DNM2: variants seen among roughly 807,000 people sequenced by gnomAD.
The protein encoded by DNM2 is dynamin-2.
In DNM2, 15 loss-of-function variants were observed where a neutral mutation model predicts 99.0. The ratio of observed to expected loss-of-function variants is 0.15; its 90% CI spans 0.10 to 0.23. DNM2 has a LOEUF of 0.23. DNM2 is among the 10% of genes least tolerant of loss of function. DNM2 has a pLI of 1.00. For synonymous variants in DNM2, 525 were observed against 481.2 expected (o/e 1.09, Z -1.19); for missense variants, 742 against 1,189.4 (o/e 0.62, Z 5.53).
intron 15 of DNM2, among the ~76,000 whole-genome samples, chr19:10,815,134 G>T (rs2072689886): frequency 6.6e-6 from 1 of 152,180 alleles, no homozygotes; most frequent in Non-Finnish European, 1.5e-5. Context: ...GTGACCCTGT[G>T]CTGCAAGGCT....
At chr19:10,758,415 TTCCCTCCCTCCTTCCCTCCC>T (rs2070486905) in intron 1 of DNM2, among the ~76,000 whole-genome samples, 1 of 70,918 alleles carries the variant, frequency 1.4e-5, no homozygotes, top group Non-Finnish European at 3.0e-5. Context: ...CCCTCCTTCC[TTCCCTCCCTCCTTCCCTCCC>T]TCCCTCCTTC....
At chr19:10,748,386 C>A (rs961572961) in intron 1 of DNM2, among the ~76,000 whole-genome samples, 1 of 152,114 alleles carries the variant, frequency 6.6e-6, no homozygotes, top group Non-Finnish European at 1.5e-5. Flanking sequence ...GCCAGGGGAG[C>A]CCCAGGTCTG....
intron 5 of DNM2, among the ~76,000 whole-genome samples, chr19:10,778,192 G>A (rs1385209477): frequency 1.3e-5 from 2 of 151,738 alleles, no homozygotes; most frequent in Admixed American, 6.6e-5. Flanking sequence ...CAGCCACCAC[G>A]CGTGGCTAAT....
intron 12 of DNM2, 29 bp from the exon 13 acceptor site, chr19:10,805,887 C>T (rs570200702): frequency 7.4e-6 from 12 of 1,614,144 alleles, no homozygotes; most frequent in South Asian, 5.5e-5. Flanking sequence ...ATCTTGTCCA[C>T]GTGAACCCTG....
In DNM2 at chr19:10,830,119, C is replaced by T. The variant is rs757620658; in HGVS notation, c.2292-8C>T. The T allele has an allele frequency of 6.2e-7, 1 of 1,613,854 alleles. No individual in the cohort carries two copies. Among genetic ancestry groups the T allele is most frequent in the Admixed American group, 1.7e-5 (1 of 60,010 alleles). Reference sequence around the variant, plus strand: ...TATCTGTAGCTCACACCCTCTCCTTCCTCACAGCCCCACTCCACAGCGCCG... The same window carrying T: ...TATCTGTAGCTCACACCCTCTCCTTTCTCACAGCCCCACTCCACAGCGCCG... On this transcript the variant is annotated splice_polypyrimidine_tract_variant and splice_region_variant and intron_variant, in intron 19 of 20. Coordinates refer to ENST00000389253, the MANE Select transcript of DNM2 (RefSeq NM_001005361.3). The surrounding 1 kb of genome is among the most constrained non-coding windows in gnomAD (Gnocchi z 4.8).
At chr19:10,826,340 G>T (rs893290593) in intron 18 of DNM2, among the ~76,000 whole-genome samples, 1 of 151,962 alleles carries the variant, frequency 6.6e-6, no homozygotes, top group East Asian at 1.9e-4. Context: ...TCAAACCCAC[G>T]TTTACCCTGG....
intron 14 of DNM2, chr19:10,810,866 C>A: frequency 6.5e-6 from 1 of 153,010 alleles, no homozygotes; most frequent in Non-Finnish European, 1.5e-5. Context: ...TGGAGGCATT[C>A]CCAGACTGCC....
At chr19:10,767,672 G>A (rs1333700373) in intron 2 of DNM2, among the ~76,000 whole-genome samples, 1 of 152,176 alleles carries the variant, frequency 6.6e-6, no homozygotes, top group Non-Finnish European at 1.5e-5. Context: ...TTGGGAGGCC[G>A]AGGTGGGCGG....
At position 10,830,373 on chromosome 19, in the gene DNM2, G is replaced by A; in HGVS notation, c.2538G>A (p.Val846=). The stretch of plus-strand genomic sequence containing the variant: ...TCCCCCCAGGGATTCCCCCAGGAGT[G>A]CCCAGGTAAGGCCAACCCCCTGCCC... ...VRIPPGIPPG[V]PSRRPPAAPS... The change falls in exon 20 of 21, where the codon GTG becomes GTA. Residue 846 remains valine, a synonymous_variant. Transcript: ENST00000389253. This position sits in a 1 kb window ranked among gnomAD's most constrained non-coding sequence, Gnocchi z 4.8. 1 of 1,609,988 alleles carries A rather than the reference G, an allele frequency of 6.2e-7. No homozygotes were observed. The highest frequency in any genetic ancestry group is 8.5e-7 in the Non-Finnish European group (1 of 1,179,550).
At chr19:10,753,291 C>A (rs2070263191) in intron 1 of DNM2, among the ~76,000 whole-genome samples, 1 of 152,104 alleles carries the variant, frequency 6.6e-6, no homozygotes, top group African/African-American at 2.4e-5. Context: ...GTGGCTCCTT[C>A]CCCACCAGGC....
chr19:10,757,577 GTACA>G (rs2145842155), intron 1 of DNM2, among the ~76,000 whole-genome samples: 1 of 152,250 alleles, frequency 6.6e-6, no homozygotes, highest in South Asian at 2.1e-4. Flanking sequence ...GGGCACAGCT[GTACA>G]GTACCAATTG....
chr19:10,808,740 G>C (rs956327206), intron 14 of DNM2, 160 bp downstream of exon 14: 1 of 819,214 alleles, frequency 1.2e-6, no homozygotes, highest in African/African-American at 1.7e-5. Flanking sequence ...GCGCTGGACT[G>C]CACGTTGCCC....
chr19:10,829,060 C>A lies in DNM2; in HGVS notation c.2083C>A (p.Leu695Met), dbSNP rs1232634078. 1 of 1,613,450 alleles carries A rather than the reference C, an allele frequency of 6.2e-7. No homozygotes were observed. Among genetic ancestry groups the A allele is most frequent in the African/African-American group, 1.3e-5 (1 of 74,930 alleles). The part of the protein sequence containing the change: ...NNTKAFIHHE[L>M]LAYLYSSADQ... The stretch of plus-strand genomic sequence containing the variant: ...GACGAAGGCCTTCATCCACCACGAG[C>A]TGCTGGCCTACCTATACTCCTCGGC... Residue 695 changes from leucine to methionine, a missense_variant, in exon 19 of 21, where the codon CTG becomes ATG. By Grantham distance (15) the Leu-to-Met change is conservative. Around this residue, in one of 7 missense-constraint regions of DNM2, gnomAD observed 240 missense variants for 431.3 expected, o/e 0.56. Coordinates refer to ENST00000389253, the MANE Select transcript of DNM2 (RefSeq NM_001005361.3).
chr19:10,734,227 C>T (rs181015591), intron 1 of DNM2, among the ~76,000 whole-genome samples: 150 of 151,246 alleles, frequency 9.9e-4, no homozygotes, highest in African/African-American at 3.4e-3. Context: ...CCTGTAGTCC[C>T]AGCCACTCGG....
At chr19:10,823,588 C>G in intron 16 of DNM2, 200 bp from the exon 17 acceptor site, 1 of 583,012 alleles carries the variant, frequency 1.7e-6, no homozygotes, top group Admixed American at 3.0e-5. Flanking sequence ...CAAAGAAACT[C>G]AGACACTTGC....
chr19:10,761,103 C>T (rs1053754740), intron 2 of DNM2, among the ~76,000 whole-genome samples: 12 of 151,990 alleles, frequency 7.9e-5, no homozygotes, highest in Admixed American at 7.9e-4. Flanking sequence ...ATTCTCCTTC[C>T]TCAGCCTCCT....
intron 1 of DNM2, among the ~76,000 whole-genome samples, chr19:10,729,164 CAAAAAAA>C (rs919370114): frequency 4.1e-4 from 18 of 44,414 alleles, no homozygotes; most frequent in South Asian, 1.1e-3. Flanking sequence ...GACTCCGTCT[CAAAAAAA>C]AAAAAAAAAA....
intron 16 of DNM2, among the ~76,000 whole-genome samples, chr19:10,821,179 AC>A (rs1199958990): frequency 2.6e-5 from 4 of 151,916 alleles, no homozygotes; most frequent in African/African-American, 9.7e-5. Flanking sequence ...AAAGCTCGAG[AC>A]CCATTTGTCC....
chr19:10,830,400 C>G lies in DNM2; in HGVS notation c.2543+22C>G, dbSNP rs768159785. On this transcript the variant is annotated intron_variant, in intron 20 of 20. Coordinates refer to ENST00000389253, the MANE Select transcript of DNM2 (RefSeq NM_001005361.3). The surrounding 1 kb of genome is among the most constrained non-coding windows in gnomAD (Gnocchi z 4.8). ...CCAGGTAAGGCCAACCCCCTGCCCT[C>G]CACCCCAACTGCCTGCACCCTGGGG... 4.4e-6 allele frequency: 7 copies of G among 1,602,938 alleles called. No homozygotes were observed. The East Asian group carries it at 1.3e-4, about 31-fold the overall frequency.
Sources: allele counts gnomAD v4.1 joint callset (sites outside exome capture counted in the v4.1 genomes callset), GRCh38; gene constraint gnomAD v4.1.1; regional missense constraint gnomAD v4.1.1; non-coding constraint Gnocchi (gnomAD v3.1); transcripts MANE v1.5; gene names NCBI Gene and HGNC (gene_info 2026-07-23, HGNC 2026-07-21).